Variants in KNG1 observed in about 807,000 individuals in gnomAD.
KNG1 encodes the protein kininogen 1.
Under a neutral mutation model 47.8 loss-of-function variants are expected in KNG1, and 23 were observed. The ratio of observed to expected loss-of-function variants is 0.48; its 90% CI spans 0.35 to 0.68. The LOEUF is 0.68. Among genes scored for constraint, KNG1 ranks in the 30% least tolerant of loss-of-function variants. The probability of loss-of-function intolerance (pLI) is 0.01; values close to 1 mark genes in which losing one functional copy is unlikely to be tolerated. For missense variants in KNG1, 762 were observed against 790.2 expected, an observed-to-expected ratio of 0.96 and a Z score of 0.43; for synonymous variants, 277 against 277.0, an observed-to-expected ratio of 1.00 and a Z score of 0.00.
intron 2 of KNG1, chr3:186,721,934 A>C (rs1656912): frequency 0.24 from 39,237 of 166,042 alleles, 5,181 homozygotes; most frequent in African/African-American, 0.35. Flanking sequence ...TGACCAACGT[A>C]GTGAAACCCT....
chr3:186,726,286 T>TG (rs1720370496), intron 4 of KNG1, among the ~76,000 whole-genome samples: 1 of 91,122 alleles, frequency 1.1e-5, no homozygotes, highest in African/African-American at 4.4e-5. Context: ...TTTTTTTTTT[T>TG]TTTTTTTTGT....
At chr3:186,725,543 A>ATTTTTTTTGTTTTTTTTTTT (rs1720337426) in intron 4 of KNG1, among the ~76,000 whole-genome samples, 1 of 87,726 alleles carries the variant, frequency 1.1e-5, no homozygotes, top group African/African-American at 4.7e-5. Context: ...CGGCCTTAGG[A>ATTTTTTTTGTTTTTTTTTTT]TTTTTTTTTT....
chr3:186,722,385 G>T, intron 2 of KNG1, 52 bp from the exon 3 acceptor site: 1 of 1,424,442 alleles, frequency 7.0e-7, no homozygotes, highest in South Asian at 1.2e-5. Context: ...GTATTAGGTA[G>T]ACTTTCCCAT....
rs535714410 is a variant in KNG1, at chr3:186,741,682, A to G, written c.1286A>G (p.His429Arg). The change falls in exon 10 of 10, where the codon CAT becomes CGT. Residue 429 changes from histidine to arginine, a missense_variant. His to Arg is a conservative substitution (Grantham distance 29, BLOSUM62 0). Transcript: ENST00000644859. ...SGKEQGHTRR[H>R]DWGHEKQRKH... ...AAAGAACAAGGGCATACTCGTAGACATGACTGGGGCCATGAAAAACAAAGA... is the reference window on the plus strand; with the variant it reads ...AAAGAACAAGGGCATACTCGTAGACGTGACTGGGGCCATGAAAAACAAAGA... The G allele has an allele frequency of 8.1e-6, 13 of 1,614,134 alleles. No individual in the cohort carries two copies. Among genetic ancestry groups the G allele is most frequent in the East Asian group, 2.2e-5 (1 of 44,892 alleles).
chr3:186,739,614 A>G (rs1212124156), intron 9 of KNG1, among the ~76,000 whole-genome samples, 200 bp downstream of exon 9: 2 of 152,134 alleles, frequency 1.3e-5, no homozygotes, highest in Non-Finnish European at 2.9e-5. Context: ...CTTCTCACAC[A>G]TTGTCAGTGT....
chr3:186,739,553 T>C, intron 9 of KNG1, 139 bp downstream of exon 9: 1 of 716,240 alleles, frequency 1.4e-6, no homozygotes. Context: ...CACACTTCTG[T>C]GCTGATCTCT....
chr3:186,740,266 G>A (rs1458364808), intron 9 of KNG1, among the ~76,000 whole-genome samples: 1 of 152,116 alleles, frequency 6.6e-6, no homozygotes, highest in Non-Finnish European at 1.5e-5. Context: ...AAGACTCTGA[G>A]GTCCTGAGTG....
chr3:186,720,778 G>GCTTTTTTTTT (rs1720169600), intron 2 of KNG1, among the ~76,000 whole-genome samples: 1 of 82,714 alleles, frequency 1.2e-5, no homozygotes, highest in Non-Finnish European at 2.5e-5. Context: ...GCTGGTTGTT[G>GCTTTTTTTTT]TTTTGCTTTT....
chr3:186,740,853 C>T (rs968985897), intron 9 of KNG1, among the ~76,000 whole-genome samples: 1 of 152,112 alleles, frequency 6.6e-6, no homozygotes, highest in Non-Finnish European at 1.5e-5. Flanking sequence ...AAATACTGTG[C>T]TCAGTAAAAA....
chr3:186,720,857 T>C (rs1299680208), intron 2 of KNG1, among the ~76,000 whole-genome samples: 4 of 137,354 alleles, frequency 2.9e-5, no homozygotes, highest in African/African-American at 8.2e-5. Flanking sequence ...TGGCGCGATC[T>C]CGGCTCACTG....
In KNG1 at chr3:186,738,104, T is replaced by C. The variant is rs114301652; in HGVS notation, c.931-995T>C. On this transcript the variant is annotated intron_variant, in intron 7 of 9. Coordinates refer to ENST00000644859, the MANE Select transcript of KNG1 (RefSeq NM_001102416.3). ...AACTCCCCTGCCTCAGCCTGTCAAATAGCTGTCAAATTACAGGTGTGCATC... is the reference window on the plus strand; with the variant it reads ...AACTCCCCTGCCTCAGCCTGTCAAACAGCTGTCAAATTACAGGTGTGCATC... 6.3e-3 allele frequency among the ~76,000 whole-genome samples: 961 copies of C among 152,154 alleles called. 13 individuals are homozygous for C. Among genetic ancestry groups the C allele is most frequent in the African/African-American group, 0.022 (904 of 41,478 alleles).
intron 7 of KNG1, among the ~76,000 whole-genome samples, chr3:186,732,912 A>G (rs1370334004): frequency 6.6e-6 from 1 of 152,138 alleles, no homozygotes; most frequent in Non-Finnish European, 1.5e-5. Context: ...CAAATAAGTT[A>G]ATATATGTCA....
At chr3:186,725,528 C>G (rs1333550561) in intron 4 of KNG1, among the ~76,000 whole-genome samples, 1 of 116,556 alleles carries the variant, frequency 8.6e-6, no homozygotes, top group Non-Finnish European at 1.9e-5. Context: ...AAGGAAAAGT[C>G]ATACCGGCCT....
chr3:186,722,576 G>T (rs1386910932), intron 3 of KNG1, 55 bp downstream of exon 3: 24 of 1,348,206 alleles, frequency 1.8e-5, no homozygotes, highest in Non-Finnish European at 2.5e-5. Flanking sequence ...ATTTCTGTGA[G>T]CCAGGAACAC....
chr3:186,720,265 C>A (rs758655424), intron 2 of KNG1, 50 bp downstream of exon 2: 1 of 1,226,946 alleles, frequency 8.2e-7, no homozygotes, highest in Non-Finnish European at 1.2e-6. Flanking sequence ...GTTGACCCTG[C>A]CAGATTTTTT....
chr3:186,722,175 G>T, intron 2 of KNG1: 1 of 377,632 alleles, frequency 2.6e-6, no homozygotes, highest in East Asian at 5.2e-5. Flanking sequence ...TACCCTCCAG[G>T]GCTCAAAACA....
At chr3:186,723,141 C>T (rs1720252732) in intron 3 of KNG1, among the ~76,000 whole-genome samples, 2 of 151,960 alleles carry the variant, frequency 1.3e-5, no homozygotes, top group South Asian at 2.1e-4. Context: ...TTTACTGATA[C>T]ATAATATTTT....
At position 186,742,448 on chromosome 3, in the gene KNG1, A is replaced by T. The variant is rs1038985276; in HGVS notation, c.*117A>T. 2 of 1,526,310 alleles carry T rather than the reference A, an allele frequency of 1.3e-6. No individual in the cohort carries two copies. The highest frequency in any genetic ancestry group is 1.7e-6 in the Non-Finnish European group (2 of 1,144,030). The allele number at this position is 1,526,310 out of a possible 1,614,324, so 94.5% of individuals were successfully genotyped here. The stretch of plus-strand genomic sequence containing the variant: ...ACCAAAAACCATGCAGCTTCGGAAC[A>T]GTCTAAAGAGAAGTGGTGAGACTCC... On this transcript the variant is annotated 3_prime_UTR_variant, in exon 10 of 10. Coordinates refer to ENST00000644859, the MANE Select transcript of KNG1 (RefSeq NM_001102416.3).
rs1309355832 is a variant in KNG1 at position 186,743,829 on chromosome 3, C to T, written c.*1498C>T. The T allele has an allele frequency of 7.4e-7, 1 of 1,348,746 alleles. No individual in the cohort carries two copies. Among genetic ancestry groups the T allele is most frequent in the Admixed American group, 1.7e-5 (1 of 59,680 alleles). The allele number at this position is 1,348,746 out of a possible 1,614,324, so 83.5% of individuals were successfully genotyped here. ...ACTCCAGGCACATAGCCCCAACCAC[C>T]TCTGCCAGCAACCTTGAGAGGAAGG... On this transcript the variant is annotated 3_prime_UTR_variant, in exon 10 of 10. Transcript: ENST00000644859.
Sources: gnomAD v4.1 joint callset for allele counts (sites outside exome capture counted in the v4.1 genomes callset) on GRCh38, gnomAD v4.1.1 for gene constraint, MANE v1.5 for transcripts, NCBI Gene and HGNC (gene_info 2026-07-23, HGNC 2026-07-21) for gene names.